BNC2: variants seen among roughly 807,000 people sequenced by gnomAD.
BNC2 encodes zinc finger protein basonuclin-2.
In BNC2, 20 loss-of-function variants were observed where a neutral mutation model predicts 76.3. The ratio of observed to expected loss-of-function variants is 0.26; its 90% CI spans 0.18 to 0.38. BNC2 has a LOEUF of 0.38. Ranked by LOEUF, BNC2 falls within the 10% of genes least tolerant of loss-of-function variation. The pLI, the probability that BNC2 is intolerant of heterozygous loss-of-function variation, is 1.00. For synonymous variants in BNC2, 582 were observed against 514.8 expected, an observed-to-expected ratio of 1.13 and a Z score of -1.77; for missense variants, 1,382 against 1,399.8, an observed-to-expected ratio of 0.99 and a Z score of 0.20.
At chr9:16,443,176 T>C (rs1443349878) in intron 5 of BNC2, among the ~76,000 whole-genome samples, 3 of 151,868 alleles carry the variant, frequency 2.0e-5, no homozygotes, top group Non-Finnish European at 4.4e-5. Flanking sequence ...AATACTAAAA[T>C]GATTAGCTAA....
intron 5 of BNC2, among the ~76,000 whole-genome samples, chr9:16,512,067 C>T (rs2131935859): frequency 6.6e-6 from 1 of 152,230 alleles, no homozygotes; most frequent in Non-Finnish European, 1.5e-5. Context: ...ATCTATTTTA[C>T]CTATTAATCT....
intron 5 of BNC2, among the ~76,000 whole-genome samples, chr9:16,440,768 G>T (rs1449139554): frequency 1.3e-5 from 2 of 152,146 alleles, no homozygotes; most frequent in African/African-American, 2.4e-5. Flanking sequence ...GCGCTTAGTT[G>T]CTGTCTCTGC....
At chr9:16,664,819 C>T in intron 3 of BNC2, among the ~76,000 whole-genome samples, 1 of 152,040 alleles carries the variant, frequency 6.6e-6, no homozygotes, top group Admixed American at 6.5e-5. Context: ...GGAATAAACT[C>T]TCAGAATTCA....
intron 3 of BNC2, among the ~76,000 whole-genome samples, chr9:16,635,718 T>A (rs896236105): frequency 1.3e-5 from 2 of 152,224 alleles, no homozygotes; most frequent in African/African-American, 4.8e-5. Flanking sequence ...ACAAGCTAAA[T>A]AAATTTCTAG....
intron 1 of BNC2, among the ~76,000 whole-genome samples, chr9:16,772,551 T>C (rs1825859501): frequency 6.6e-6 from 1 of 152,112 alleles, no homozygotes; most frequent in African/African-American, 2.4e-5. Flanking sequence ...ACTGATACTA[T>C]ATGAAGTTGG....
At chr9:16,560,093 C>T (rs551777026) in intron 4 of BNC2, among the ~76,000 whole-genome samples, 60 of 152,290 alleles carry the variant, frequency 3.9e-4, no homozygotes, top group Non-Finnish European at 6.5e-4. Flanking sequence ...AGTGGAGGAC[C>T]TGTTGAAACA....
chr9:16,847,717 C>A (rs1819023850), intron 1 of BNC2, among the ~76,000 whole-genome samples: 1 of 152,090 alleles, frequency 6.6e-6, no homozygotes, highest in Non-Finnish European at 1.5e-5. Context: ...TTGAATAAAT[C>A]CACAAGTAAA....
chr9:16,834,377 T>A (rs951104118), intron 1 of BNC2, among the ~76,000 whole-genome samples: 6 of 152,210 alleles, frequency 3.9e-5, no homozygotes, highest in Non-Finnish European at 8.8e-5. Context: ...TTTTGAAAAC[T>A]GTAGCCACTT....
intron 1 of BNC2, among the ~76,000 whole-genome samples, chr9:16,757,147 G>C (rs1394115765): frequency 6.6e-6 from 1 of 152,132 alleles, no homozygotes; most frequent in African/African-American, 2.4e-5. Flanking sequence ...CCAGTGCCTA[G>C]TACAGACAGA....
In BNC2 at chr9:16,711,743, A is replaced by G. The variant is rs555005216; in HGVS notation, c.330+16054T>C. On this transcript the variant is annotated intron_variant, in intron 3 of 6. Coordinates refer to ENST00000380672, the MANE Select transcript of BNC2 (RefSeq NM_017637.6). ...AGAGAAGGAATATATTCTACTTTAAATGTGCTTGTCTCACTCAGTAAGAAA... is the reference window on the plus strand; with the variant it reads ...AGAGAAGGAATATATTCTACTTTAAGTGTGCTTGTCTCACTCAGTAAGAAA... 4.0e-3 allele frequency among the ~76,000 whole-genome samples: 615 copies of G among 152,310 alleles called. 3 individuals carry two copies. The highest frequency in any genetic ancestry group is 0.013 in the African/African-American group (536 of 41,574).
chr9:16,437,152 G>C lies in BNC2; in HGVS notation c.1042C>G (p.Pro348Ala), dbSNP rs1436156781. The stretch of plus-strand genomic sequence containing the variant: ...CTGGGTTCCCGCAGCCTCAACCCTG[G>C]TTGCTCTAACAGTAGCCCATTTGGA... ...LPPNGLLLEQ[P>A]GLRLREPSLS... Residue 348 changes from proline (P) to alanine (A), a missense_variant, in exon 6 of 7, where the codon CCA (proline) becomes GCA (alanine). This residue lies in a region of BNC2 where 557 missense variants were observed against 540.9 expected (regional missense o/e 1.03). Coordinates refer to ENST00000380672, the MANE Select transcript of BNC2 (RefSeq NM_017637.6). 3.1e-6 allele frequency: 5 copies of C among 1,614,026 alleles called. No homozygotes were observed. Among genetic ancestry groups the C allele is most frequent in the Admixed American group, 3.3e-5 (2 of 59,990 alleles).
Position 16,509,541 on chromosome 9 carries a change from G to A in BNC2, c.669+42989C>T, listed in dbSNP as rs563619152. On this transcript the variant is annotated intron_variant, in intron 5 of 6. Transcript: ENST00000380672. ...GTATTAAGAAACAACCGACTCCTCT[G>A]TGCATATCCATCCCAGTTACAGAAA... is the stretch of plus-strand genomic sequence containing the variant. Among the ~76,000 whole-genome samples, 3 of 152,308 alleles carry A rather than the reference G, an allele frequency of 2.0e-5. No individual in the cohort carries two copies. In the South Asian group the frequency reaches 6.2e-4, roughly 32 times the overall value.
chr9:16,437,534 A>G lies in BNC2; in HGVS notation c.670-10T>C. 1 of 1,610,258 alleles carries G rather than the reference A, an allele frequency of 6.2e-7. No homozygotes were observed. The highest frequency in any genetic ancestry group is 1.1e-5 in the South Asian group (1 of 91,062). Reference sequence around the variant, plus strand: ...CCTTGCCAGCAGCATCCTAGAGGCCACATCAAAGAAACAACAAAGACAAAC... The same window carrying G: ...CCTTGCCAGCAGCATCCTAGAGGCCGCATCAAAGAAACAACAAAGACAAAC... On this transcript the variant is annotated splice_polypyrimidine_tract_variant and intron_variant, in intron 5 of 6. Transcript: ENST00000380672.
chr9:16,464,164 C>T (rs980151684), intron 5 of BNC2, among the ~76,000 whole-genome samples: 5 of 150,924 alleles, frequency 3.3e-5, no homozygotes, highest in African/African-American at 1.2e-4. Context: ...AGTAGTAGAC[C>T]CTAATAATAG....
At chr9:16,805,189 A>G (rs891455029) in intron 1 of BNC2, among the ~76,000 whole-genome samples, 1 of 152,224 alleles carries the variant, frequency 6.6e-6, no homozygotes, top group African/African-American at 2.4e-5. Flanking sequence ...GTCAGAGAAC[A>G]CATGCCATCT....
intron 5 of BNC2, among the ~76,000 whole-genome samples, chr9:16,534,884 C>A (rs1454705688): frequency 6.6e-6 from 1 of 152,082 alleles, no homozygotes; most frequent in Non-Finnish European, 1.5e-5. Context: ...TTCAAAAATC[C>A]TAATCTTTTG....
chr9:16,634,084 C>G (rs1306476286), intron 3 of BNC2, among the ~76,000 whole-genome samples: 1 of 152,156 alleles, frequency 6.6e-6, no homozygotes, highest in Non-Finnish European at 1.5e-5. Context: ...CTTCTCTAAA[C>G]AAACTGTTCC....
chr9:16,732,719 G>C (rs1452707397), intron 2 of BNC2, among the ~76,000 whole-genome samples: 1 of 152,142 alleles, frequency 6.6e-6, no homozygotes, highest in African/African-American at 2.4e-5. Flanking sequence ...AAAGATCAGT[G>C]GTTTTTCATG....
In BNC2 at chr9:16,648,242, G is replaced by A. The variant is rs532849124; in HGVS notation, c.331-65157C>T. On this transcript the variant is annotated intron_variant, in intron 3 of 6. Transcript: ENST00000380672. ...GAAAAACGAAAACTGCTCCACTACT[G>A]GAATTATCATCACAGTTACTACTGC... is the stretch of plus-strand genomic sequence containing the variant. 5.3e-5 allele frequency among the ~76,000 whole-genome samples: 8 copies of A among 152,286 alleles called. No individual in the cohort carries two copies. The South Asian group carries it at 8.3e-4, about 16-fold the overall frequency.
Sources: allele counts gnomAD v4.1 joint callset (sites outside exome capture counted in the v4.1 genomes callset), GRCh38; gene constraint gnomAD v4.1.1; regional missense constraint gnomAD v4.1.1; transcripts MANE v1.5; gene names NCBI Gene and HGNC (gene_info 2026-07-23, HGNC 2026-07-21).